SLC16A12: variants seen among roughly 807,000 people sequenced by gnomAD.
SLC16A12 encodes monocarboxylate transporter 12.
In SLC16A12, 17 loss-of-function variants were observed where a neutral mutation model predicts 42.4. That is an observed-to-expected ratio of 0.40 (90% CI 0.27 to 0.60). The LOEUF (loss-of-function observed/expected upper bound fraction) is 0.60, where lower values mean the gene tolerates loss of function less well. Among genes scored for constraint, SLC16A12 ranks in the 20% least tolerant of loss-of-function variants. The pLI is 0.42. For missense variants in SLC16A12, 544 were observed against 623.0 expected, an observed-to-expected ratio of 0.87 and a Z score of 1.35; for synonymous variants, 224 against 229.4, an observed-to-expected ratio of 0.98 and a Z score of 0.21.
chr10:89,485,549 T>A (rs188762323), intron 2 of SLC16A12, among the ~76,000 whole-genome samples: 7 of 152,304 alleles, frequency 4.6e-5, no homozygotes, highest in Non-Finnish European at 7.3e-5. Context: ...TTTAATGAGT[T>A]TATGCTACCT....
chr10:89,500,452 G>A (rs1842978250), intron 2 of SLC16A12, among the ~76,000 whole-genome samples: 1 of 152,080 alleles, frequency 6.6e-6, no homozygotes, highest in Non-Finnish European at 1.5e-5. Context: ...ATGATCAAGT[G>A]GTTTTCATAG....
intron 3 of SLC16A12, chr10:89,456,247 A>G (rs1412650952): frequency 6.6e-6 from 1 of 152,220 alleles, no homozygotes; most frequent in Non-Finnish European, 1.5e-5. Context: ...AACATGCACA[A>G]TGTAAGTGCT....
At chr10:89,467,647 G>T (rs535189298) in intron 2 of SLC16A12, among the ~76,000 whole-genome samples, 5 of 152,284 alleles carry the variant, frequency 3.3e-5, no homozygotes, top group South Asian at 2.1e-4. Flanking sequence ...TTATGTAAAA[G>T]TTGTATGTTT....
chr10:89,505,000 GT>G (rs915368274), intron 2 of SLC16A12, among the ~76,000 whole-genome samples: 1 of 152,046 alleles, frequency 6.6e-6, no homozygotes, highest in African/African-American at 2.4e-5. Flanking sequence ...GCAAATGGGG[GT>G]TGCCATCAAC....
intron 2 of SLC16A12, among the ~76,000 whole-genome samples, chr10:89,463,897 C>G (rs775434825): frequency 6.6e-5 from 10 of 152,160 alleles, no homozygotes; most frequent in Non-Finnish European, 1.3e-4. Context: ...GGTCCTGACT[C>G]TGGTTGTTCA....
chr10:89,474,391 C>T (rs1039344975), intron 2 of SLC16A12, among the ~76,000 whole-genome samples: 3 of 152,144 alleles, frequency 2.0e-5, no homozygotes, highest in Admixed American at 6.5e-5. Context: ...GCTTACTCTA[C>T]GCCTAATAAA....
chr10:89,532,186 T>C (rs1843565783), intron 2 of SLC16A12, among the ~76,000 whole-genome samples: 1 of 152,188 alleles, frequency 6.6e-6, no homozygotes, highest in Non-Finnish European at 1.5e-5. Context: ...AATTAATTAA[T>C]TTCATGCAAC....
chr10:89,512,182 CA>C, intron 2 of SLC16A12, among the ~76,000 whole-genome samples: 1 of 152,108 alleles, frequency 6.6e-6, no homozygotes, highest in Non-Finnish European at 1.5e-5. Flanking sequence ...ATTTAATGGG[CA>C]CAGAGTTTCA....
At chr10:89,481,761 T>A (rs987598226) in intron 2 of SLC16A12, among the ~76,000 whole-genome samples, 1 of 152,092 alleles carries the variant, frequency 6.6e-6, no homozygotes, top group Non-Finnish European at 1.5e-5. Flanking sequence ...CAAAAATTGT[T>A]TTCCTTTTAC....
intron 2 of SLC16A12, among the ~76,000 whole-genome samples, chr10:89,542,917 T>C (rs1400695020): frequency 6.6e-6 from 1 of 152,218 alleles, no homozygotes; most frequent in Non-Finnish European, 1.5e-5. Flanking sequence ...CACCCTCTGT[T>C]ACATCCTCAT....
intron 2 of SLC16A12, among the ~76,000 whole-genome samples, chr10:89,532,687 T>A (rs745556523): frequency 2.6e-5 from 4 of 152,208 alleles, no homozygotes; most frequent in Non-Finnish European, 2.9e-5. Flanking sequence ...ACTGAAAAAC[T>A]GCCAAGTTCA....
At chr10:89,522,269 C>T (rs546276597) in intron 2 of SLC16A12, among the ~76,000 whole-genome samples, 1 of 152,348 alleles carries the variant, frequency 6.6e-6, no homozygotes, top group South Asian at 2.1e-4. Flanking sequence ...AACACCCTAA[C>T]TCTTATTGCA....
intron 2 of SLC16A12, among the ~76,000 whole-genome samples, chr10:89,530,584 A>T (rs1184683122): frequency 6.6e-6 from 1 of 151,862 alleles, no homozygotes; most frequent in Non-Finnish European, 1.5e-5. Context: ...CGCCCGGCTA[A>T]TTTTTTGTAC....
rs1293700260 is a variant in SLC16A12, at chr10:89,432,721, G to A, written c.*343C>T. Reference sequence around the variant, plus strand: ...ATGAAGGGCCTGAGACTGGAACAAAGCTGCTGCCCAGTGTCATCTGCTTTG... The same window carrying A: ...ATGAAGGGCCTGAGACTGGAACAAAACTGCTGCCCAGTGTCATCTGCTTTG... On this transcript the variant is annotated 3_prime_UTR_variant, in exon 8 of 8. Transcript: ENST00000371790. 2 of 237,008 alleles carry A rather than the reference G, an allele frequency of 8.4e-6. No individual in the cohort carries two copies. Among genetic ancestry groups the A allele is most frequent in the Admixed American group, 5.2e-5 (1 of 19,206 alleles). 14.7% of individuals were successfully genotyped at this position (237,008 alleles called of 1,614,324 possible).
intron 1 of SLC16A12, 30 bp from the exon 2 acceptor site, chr10:89,534,670 AATC>A (rs1407476392): frequency 6.8e-6 from 1 of 147,450 alleles, no homozygotes; most frequent in East Asian, 2.0e-4. Flanking sequence ...AAAAAAAAAA[AATC>A]CAAAAATTAG....
At chr10:89,514,833 G>A (rs904810321) in intron 2 of SLC16A12, among the ~76,000 whole-genome samples, 1 of 152,226 alleles carries the variant, frequency 6.6e-6, no homozygotes, top group Admixed American at 6.5e-5. Context: ...GCTCATGCCT[G>A]TAATCCCAGC....
intron 1 of SLC16A12, among the ~76,000 whole-genome samples, chr10:89,556,297 C>A (rs538570856): frequency 2.0e-5 from 3 of 152,050 alleles, no homozygotes; most frequent in Admixed American, 2.0e-4. Context: ...CACTCCTGAC[C>A]ACTTTACTAA....
rs374466962 is a variant in SLC16A12 at position 89,439,021 on chromosome 10, C to G, written c.611G>C (p.Arg204Pro). The G allele has an allele frequency of 1.9e-6, 3 of 1,614,042 alleles. No homozygotes were observed. The highest frequency in any genetic ancestry group is 1.7e-5 in the Admixed American group (1 of 60,002). Reference protein sequence around the residue: ...VQLLIEQFSWRGALLILGGFV... With the variant: ...VQLLIEQFSWPGALLILGGFV... ...GCCCCCAAGAATGAGTAAGGCTCCC[C>G]GCCAGGAAAACTGTTCAATAAGGAG... The change falls in exon 6 of 8, where the codon CGG becomes CCG. Residue 204 changes from arginine (R) to proline (P), a missense_variant. Arg to Pro is a moderately radical substitution (Grantham distance 103). Coordinates refer to ENST00000371790, the MANE Select transcript of SLC16A12 (RefSeq NM_213606.4).
intron 2 of SLC16A12, among the ~76,000 whole-genome samples, chr10:89,550,422 G>C (rs558809834): frequency 6.6e-6 from 1 of 152,308 alleles, no homozygotes; most frequent in African/African-American, 2.4e-5. Flanking sequence ...GGGAGGCTGA[G>C]ACAGGAGAAT....
Sources: gnomAD v4.1 joint callset for allele counts (sites outside exome capture counted in the v4.1 genomes callset) on GRCh38, gnomAD v4.1.1 for gene constraint, MANE v1.5 for transcripts, NCBI Gene and HGNC (gene_info 2026-07-23, HGNC 2026-07-21) for gene names.